Variants in MGAT4C observed in about 807,000 individuals in gnomAD.
MGAT4C encodes the protein alpha-1,3-mannosyl-glycoprotein 4-beta-N-acetylglucosaminyltransferase C.
A neutral mutation model predicts 40.1 loss-of-function variants in MGAT4C; 19 were observed. The observed-to-expected ratio is 0.47, with a 90% CI of 0.33 to 0.70. MGAT4C has a LOEUF of 0.70. MGAT4C is among the 30% of genes least tolerant of loss of function. The pLI, the probability that MGAT4C is intolerant of heterozygous loss-of-function variation, is 0.02. For missense variants in MGAT4C, 491 were observed against 563.2 expected, an observed-to-expected ratio of 0.87 and a Z score of 1.30; for synonymous variants, 181 against 187.1, an observed-to-expected ratio of 0.97 and a Z score of 0.27.
intron 2 of MGAT4C, among the ~76,000 whole-genome samples, chr12:86,511,543 T>C (rs1379673574): frequency 6.6e-6 from 1 of 152,112 alleles, no homozygotes; most frequent in Non-Finnish European, 1.5e-5. Flanking sequence ...TGTACTAATA[T>C]AAAGACAGAC....
At chr12:86,111,210 T>C (rs1877345926) in intron 1 of MGAT4C, among the ~76,000 whole-genome samples, 1 of 151,780 alleles carries the variant, frequency 6.6e-6, no homozygotes, top group African/African-American at 2.4e-5. Context: ...TATAAAAATA[T>C]AAATGCATCA....
intron 4 of MGAT4C, among the ~76,000 whole-genome samples, chr12:86,310,336 G>A (rs552726835): frequency 6.2e-4 from 94 of 152,216 alleles, no homozygotes; most frequent in African/African-American, 2.2e-3. Context: ...AAAGTGAAAT[G>A]ATCAAAGGTA....
intron 3 of MGAT4C, among the ~76,000 whole-genome samples, chr12:86,336,158 T>C (rs986397412): frequency 3.3e-5 from 5 of 152,218 alleles, no homozygotes; most frequent in Non-Finnish European, 7.3e-5. Flanking sequence ...ATTTTTATTG[T>C]TGCATTGTTA....
chr12:86,250,866 G>C (rs1452844380), intron 1 of MGAT4C, among the ~76,000 whole-genome samples: 1 of 152,032 alleles, frequency 6.6e-6, no homozygotes, highest in Non-Finnish European at 1.5e-5. Context: ...AAAGTAATTA[G>C]TATGATTGGT....
At chr12:86,199,685 A>G (rs975894433) in intron 1 of MGAT4C, among the ~76,000 whole-genome samples, 3 of 152,274 alleles carry the variant, frequency 2.0e-5, no homozygotes, top group Admixed American at 2.0e-4. Flanking sequence ...TATTGTCATA[A>G]TTATTAATAC....
intron 1 of MGAT4C, among the ~76,000 whole-genome samples, chr12:86,810,664 C>T (rs911524260): frequency 8.6e-5 from 13 of 151,238 alleles, no homozygotes; most frequent in East Asian, 3.9e-4. Flanking sequence ...AGCCTTGCAC[C>T]GAGAAATAAA....
chr12:86,464,893 T>C (rs980373136), intron 2 of MGAT4C, among the ~76,000 whole-genome samples: 3 of 152,162 alleles, frequency 2.0e-5, no homozygotes, highest in Non-Finnish European at 4.4e-5. Context: ...ATATGAATAA[T>C]GCATTATATT....
intron 1 of MGAT4C, among the ~76,000 whole-genome samples, chr12:86,079,744 A>G (rs1208210559): frequency 6.6e-6 from 1 of 151,660 alleles, no homozygotes; most frequent in Non-Finnish European, 1.5e-5. Flanking sequence ...TATTTGTATA[A>G]GTGTGTAAAA....
intron 2 of MGAT4C, among the ~76,000 whole-genome samples, chr12:86,486,742 G>A (rs983290514): frequency 1.3e-5 from 2 of 152,142 alleles, no homozygotes; most frequent in Non-Finnish European, 2.9e-5. Context: ...CAGACATCTA[G>A]AGAATACTCC....
chr12:86,659,739 G>T (rs1245228222), intron 2 of MGAT4C, among the ~76,000 whole-genome samples: 1 of 151,938 alleles, frequency 6.6e-6, no homozygotes, highest in Non-Finnish European at 1.5e-5. Flanking sequence ...GGAGGTTATG[G>T]TTCTGACTCC....
chr12:86,708,529 A>AC (rs1274728326), intron 2 of MGAT4C, among the ~76,000 whole-genome samples: 1 of 152,094 alleles, frequency 6.6e-6, no homozygotes, highest in Non-Finnish European at 1.5e-5. Context: ...TGTCCTTCAG[A>AC]CCCCATAATG....
At chr12:86,617,227 G>A (rs1302217857) in intron 2 of MGAT4C, among the ~76,000 whole-genome samples, 17 of 152,048 alleles carry the variant, frequency 1.1e-4, no homozygotes, top group Admixed American at 1.1e-3. Context: ...ATAGTTTCAC[G>A]TAATTTTTTA....
chr12:86,213,290 T>C (rs1950553726), intron 1 of MGAT4C, among the ~76,000 whole-genome samples: 1 of 152,218 alleles, frequency 6.6e-6, no homozygotes, highest in Admixed American at 6.5e-5. Flanking sequence ...TGAGACCTAA[T>C]GCTGTTTCCC....
intron 3 of MGAT4C, among the ~76,000 whole-genome samples, chr12:86,415,145 C>T (rs1266501764): frequency 6.6e-6 from 1 of 151,944 alleles, no homozygotes; most frequent in Admixed American, 6.6e-5. Flanking sequence ...CCTCAAGTCT[C>T]TCCTGGACTT....
intron 1 of MGAT4C, among the ~76,000 whole-genome samples, chr12:86,123,347 T>C (rs989929811): frequency 3.3e-5 from 5 of 152,116 alleles, no homozygotes; most frequent in African/African-American, 1.2e-4. Context: ...GTGTTTTTCA[T>C]GGGAGATTGT....
intron 1 of MGAT4C, among the ~76,000 whole-genome samples, chr12:86,125,357 T>C (rs1225756612): frequency 1.3e-5 from 2 of 152,116 alleles, no homozygotes; most frequent in Non-Finnish European, 2.9e-5. Flanking sequence ...GGAAAAAAGG[T>C]ATAGCAAAAA....
At chr12:86,145,792 A>C (rs557568397) in intron 1 of MGAT4C, among the ~76,000 whole-genome samples, 5 of 152,330 alleles carry the variant, frequency 3.3e-5, no homozygotes, top group Admixed American at 6.5e-5. Flanking sequence ...AAGAAAGAAC[A>C]GAAAGATTTT....
At chr12:86,717,146 C>A (rs1950657041) in intron 2 of MGAT4C, among the ~76,000 whole-genome samples, 1 of 150,946 alleles carries the variant, frequency 6.6e-6, no homozygotes. Flanking sequence ...TTTTAAAAAA[C>A]AGACATCAAG....
chr12:86,032,711 GTTGT>G (rs1890872594), intron 2 of MGAT4C, among the ~76,000 whole-genome samples: 1 of 149,528 alleles, frequency 6.7e-6, no homozygotes, highest in South Asian at 2.1e-4. Flanking sequence ...CCATTTTTTG[GTTGT>G]TTGTTTAACT....
Sources: gnomAD v4.1 joint callset for allele counts (sites outside exome capture counted in the v4.1 genomes callset) on GRCh38, gnomAD v4.1.1 for gene constraint, MANE v1.5 for transcripts, NCBI Gene and HGNC (gene_info 2026-07-23, HGNC 2026-07-21) for gene names.